The following CNTLN variants were observed in gnomAD, a reference collection of about 807,000 sequenced individuals.
CNTLN encodes centlein, centrosomal protein.
CNTLN carries 212 observed loss-of-function variants against 180.0 expected under a neutral mutation model. The ratio of observed to expected loss-of-function variants is 1.18; its 90% CI spans 1.05 to 1.32. The LOEUF (loss-of-function observed/expected upper bound fraction) is 1.32, where lower values mean the gene tolerates loss of function less well. CNTLN is among the 40% of genes most tolerant of loss of function. The pLI is 0.00. For synonymous variants in CNTLN, 722 were observed against 563.1 expected, an observed-to-expected ratio of 1.28 and a Z score of -3.99; for missense variants, 2,095 against 1,610.9, an observed-to-expected ratio of 1.30 and a Z score of -5.14.
At chr9:17,421,246 C>T (rs1199006176) in intron 18 of CNTLN, among the ~76,000 whole-genome samples, 1 of 152,126 alleles carries the variant, frequency 6.6e-6, no homozygotes, top group East Asian at 1.9e-4. Context: ...TATCTGAGTA[C>T]TCCGGTGCTG....
intron 6 of CNTLN, among the ~76,000 whole-genome samples, chr9:17,293,918 G>T (rs189670281): frequency 1.3e-5 from 2 of 152,140 alleles, no homozygotes; most frequent in Admixed American, 6.5e-5. Context: ...TGGAAAAAGC[G>T]TGGTTTCCCA....
In CNTLN at chr9:17,366,694, G is replaced by A; in HGVS notation, c.1964G>A (p.Arg655Lys). The A allele has an allele frequency of 6.3e-7, 1 of 1,578,758 alleles. No homozygotes were observed. Among genetic ancestry groups the A allele is most frequent in the Non-Finnish European group, 8.6e-7 (1 of 1,156,816 alleles). The change falls in exon 13 of 26, where the codon AGA becomes AAA. Residue 655 changes from arginine (R) to lysine (K), a missense_variant. By Grantham distance (26) the Arg-to-Lys change is conservative. Coordinates refer to ENST00000380647, the MANE Select transcript of CNTLN (RefSeq NM_017738.4). ...IDKAAIQELN[R>K]CVAERREEQL... is the part of the protein sequence containing the mutation. ...AAGGCAGCAATACAAGAATTGAATA[G>A]ATGTGTGGCAGAGAGAAGAGAAGGT...
intron 2 of CNTLN, among the ~76,000 whole-genome samples, chr9:17,160,394 C>T (rs1042217180): frequency 4.6e-5 from 7 of 152,206 alleles, no homozygotes; most frequent in Non-Finnish European, 1.0e-4. Flanking sequence ...AGTTATTTTA[C>T]TACCTAACTT....
chr9:17,163,755 C>T (rs1432852359), intron 2 of CNTLN, among the ~76,000 whole-genome samples: 3 of 152,142 alleles, frequency 2.0e-5, no homozygotes, highest in Non-Finnish European at 4.4e-5. Context: ...TGGCTGGGCA[C>T]AGTGACTCAT....
chr9:17,279,525 C>CTA (rs762889699), intron 6 of CNTLN, among the ~76,000 whole-genome samples: 1 of 152,018 alleles, frequency 6.6e-6, no homozygotes, highest in Non-Finnish European at 1.5e-5. Context: ...GGAGAACAGC[C>CTA]TATTTCCACT....
chr9:17,309,451 A>C (rs536631702), intron 8 of CNTLN, among the ~76,000 whole-genome samples, 199 bp downstream of exon 8: 40 of 152,222 alleles, frequency 2.6e-4, no homozygotes, highest in Non-Finnish European at 5.3e-4. Flanking sequence ...ATAGAAGTGC[A>C]TGTAGAAGTA....
intron 18 of CNTLN, among the ~76,000 whole-genome samples, chr9:17,432,131 C>T (rs1348918802): frequency 6.6e-6 from 1 of 151,772 alleles, no homozygotes; most frequent in Non-Finnish European, 1.5e-5. Flanking sequence ...AAATCCAAAC[C>T]TGGAGAAATC....
intron 3 of CNTLN, among the ~76,000 whole-genome samples, chr9:17,230,164 A>C (rs1435994207): frequency 6.6e-6 from 1 of 152,098 alleles, no homozygotes; most frequent in Non-Finnish European, 1.5e-5. Flanking sequence ...TTATTTGGAC[A>C]TGTTTTGGCA....
intron 23 of CNTLN, among the ~76,000 whole-genome samples, chr9:17,478,529 CTT>C (rs976694894): frequency 6.9e-6 from 1 of 144,060 alleles, no homozygotes; most frequent in Non-Finnish European, 1.5e-5. Flanking sequence ...GGAGTTTTTT[CTT>C]TTTTTTTTTA....
intron 2 of CNTLN, among the ~76,000 whole-genome samples, chr9:17,223,167 G>T (rs1824255948): frequency 6.6e-6 from 1 of 151,996 alleles, no homozygotes; most frequent in African/African-American, 2.4e-5. Context: ...GACAGTGCAA[G>T]TTTTTTCATG....
chr9:17,399,358 C>A (rs547790168), intron 15 of CNTLN, among the ~76,000 whole-genome samples: 1 of 152,232 alleles, frequency 6.6e-6, no homozygotes, highest in African/African-American at 2.4e-5. Context: ...TTTCTCTTAT[C>A]ATTAAGTTAC....
chr9:17,291,602 A>G (rs1446155451), intron 6 of CNTLN, among the ~76,000 whole-genome samples: 10 of 151,982 alleles, frequency 6.6e-5, no homozygotes, highest in Admixed American at 3.3e-4. Flanking sequence ...TTTAAAGTCT[A>G]TTTTGTCAGA....
chr9:17,260,535 A>T lies in CNTLN; in HGVS notation c.850-13198A>T, dbSNP rs142677558. Among the ~76,000 whole-genome samples, 410 of 151,026 alleles carry T rather than the reference A, an allele frequency of 2.7e-3. 19 individuals are homozygous for T. Among genetic ancestry groups the T allele is most frequent in the African/African-American group, 8.1e-3 (332 of 40,772 alleles). The stretch of plus-strand genomic sequence containing the variant: ...ATTTGTTTTTTTGCTTGTTGACTTA[A>T]GTTTCTTATGGTTTCTGGATGTTAA... On this transcript the variant is annotated intron_variant, in intron 5 of 25. Coordinates refer to ENST00000380647, the MANE Select transcript of CNTLN (RefSeq NM_017738.4).
intron 8 of CNTLN, among the ~76,000 whole-genome samples, chr9:17,311,081 A>G (rs1316477661): frequency 2.0e-5 from 3 of 151,712 alleles, no homozygotes; most frequent in South Asian, 2.1e-4. Flanking sequence ...CTGGAGTGCA[A>G]TGGTGCGATC....
intron 18 of CNTLN, among the ~76,000 whole-genome samples, chr9:17,453,821 G>A (rs1830944426): frequency 6.6e-6 from 1 of 152,154 alleles, no homozygotes; most frequent in Admixed American, 6.5e-5. Flanking sequence ...CTCATAACAT[G>A]GCAACTTACT....
chr9:17,327,281 G>A (rs2133086859), intron 8 of CNTLN, among the ~76,000 whole-genome samples: 1 of 86,078 alleles, frequency 1.2e-5, no homozygotes, highest in East Asian at 3.4e-4. Flanking sequence ...GCGCAATCTT[G>A]GGTCGCTGCA....
intron 12 of CNTLN, among the ~76,000 whole-genome samples, chr9:17,355,200 T>C (rs1822735424): frequency 1.3e-5 from 2 of 152,168 alleles, no homozygotes; most frequent in Non-Finnish European, 1.5e-5. Context: ...TTTGTGTTTT[T>C]AGTAGGGACG....
chr9:17,268,624 GC>G (rs1325188302), intron 5 of CNTLN, among the ~76,000 whole-genome samples: 1 of 152,142 alleles, frequency 6.6e-6, no homozygotes, highest in Non-Finnish European at 1.5e-5. Context: ...GTTTGTCTGT[GC>G]CCTGCCCCCA....
rs137872535 is a variant in CNTLN at position 17,329,582 on chromosome 9, T to C, written c.1342-1050T>C. Among the ~76,000 whole-genome samples the C allele has an allele frequency of 4.6e-3, 693 of 152,048 alleles. 7 individuals are homozygous for C. The highest frequency in any genetic ancestry group is 0.015 in the African/African-American group (642 of 41,526). ...TGATTTAAATATGAGAAAAGTGTAA[T>C]AGTATAAATCAAATATGGTCCCTCT... On this transcript the variant is annotated intron_variant, in intron 8 of 25. Coordinates refer to ENST00000380647, the MANE Select transcript of CNTLN (RefSeq NM_017738.4).
Sources: allele counts gnomAD v4.1 joint callset (sites outside exome capture counted in the v4.1 genomes callset), GRCh38; gene constraint gnomAD v4.1.1; transcripts MANE v1.5; gene names NCBI Gene and HGNC (gene_info 2026-07-23, HGNC 2026-07-21).